The following MARCHF1 variants were observed in gnomAD, a reference collection of about 807,000 sequenced individuals.
MARCHF1 encodes the protein E3 ubiquitin-protein ligase MARCHF1.
In MARCHF1, 40 loss-of-function variants were observed where a neutral mutation model predicts 54.2. That is an observed-to-expected ratio of 0.74 (90% CI 0.57 to 0.96). The LOEUF is 0.96. MARCHF1 is among the 40% of genes least tolerant of loss of function. The pLI is 0.00. For synonymous variants in MARCHF1, 236 were observed against 236.3 expected (o/e 1.00, Z 0.01); for missense variants, 586 against 656.5 (o/e 0.89, Z 1.17).
At chr4:164,101,639 T>G (rs1427104613) in intron 2 of MARCHF1, among the ~76,000 whole-genome samples, 1 of 125,734 alleles carries the variant, frequency 8.0e-6, no homozygotes, top group Admixed American at 8.4e-5. Flanking sequence ...AGACCAAAAG[T>G]AGATAAAACC....
At chr4:163,590,786 T>C (rs1358836162) in intron 7 of MARCHF1, among the ~76,000 whole-genome samples, 1 of 152,084 alleles carries the variant, frequency 6.6e-6, no homozygotes, top group East Asian at 1.9e-4. Flanking sequence ...AGGGCAGTTT[T>C]GAGGTCTTGG....
intron 4 of MARCHF1, among the ~76,000 whole-genome samples, chr4:163,733,633 G>A (rs953011184): frequency 1.3e-5 from 2 of 151,780 alleles, no homozygotes; most frequent in African/African-American, 4.8e-5. Flanking sequence ...AGTCCCCGGA[G>A]TGTGATAGCC....
At chr4:163,664,003 T>C (rs777119620) in intron 5 of MARCHF1, among the ~76,000 whole-genome samples, 20 of 151,246 alleles carry the variant, frequency 1.3e-4, no homozygotes, top group Non-Finnish European at 2.7e-4. Flanking sequence ...CTGTGATACA[T>C]GAATTTGCAT....
chr4:163,836,204 T>C (rs1014545234), intron 4 of MARCHF1, among the ~76,000 whole-genome samples: 1 of 149,986 alleles, frequency 6.7e-6, no homozygotes, highest in African/African-American at 2.5e-5. Flanking sequence ...CTTACCTACA[T>C]GGTAGTTGCA....
At chr4:164,158,638 C>T (rs1250642323) in intron 1 of MARCHF1, among the ~76,000 whole-genome samples, 1 of 152,022 alleles carries the variant, frequency 6.6e-6, no homozygotes. Context: ...GAGACTCCAT[C>T]TCAAAATAAT....
At chr4:163,747,279 T>A (rs1746390455) in intron 4 of MARCHF1, among the ~76,000 whole-genome samples, 1 of 152,166 alleles carries the variant, frequency 6.6e-6, no homozygotes, top group Admixed American at 6.6e-5. Context: ...ACAAAATACC[T>A]CAAGCTGAGA....
At chr4:163,733,215 A>ACACGTG (rs1393745834) in intron 4 of MARCHF1, among the ~76,000 whole-genome samples, 1 of 35,122 alleles carries the variant, frequency 2.8e-5, no homozygotes, top group Non-Finnish European at 8.4e-5. Flanking sequence ...ATATATATAT[A>ACACGTG]TATATACACG....
At chr4:163,565,298 A>C (rs558934234) in intron 8 of MARCHF1, among the ~76,000 whole-genome samples, 20 of 152,314 alleles carry the variant, frequency 1.3e-4, no homozygotes, top group African/African-American at 4.8e-4. Context: ...GATATCTTAT[A>C]AAAAAGTAAC....
chr4:163,751,724 GAC>G (rs1489835377), intron 4 of MARCHF1, among the ~76,000 whole-genome samples: 1 of 152,026 alleles, frequency 6.6e-6, no homozygotes, highest in Non-Finnish European at 1.5e-5. Context: ...CTGACTGAAA[GAC>G]ACAATATTGA....
chr4:163,746,354 C>T (rs1197781636), intron 4 of MARCHF1, among the ~76,000 whole-genome samples: 2 of 152,034 alleles, frequency 1.3e-5, no homozygotes, highest in Non-Finnish European at 2.9e-5. Context: ...TTCTTTTTGG[C>T]GCTGAATAAT....
chr4:164,340,255 G>C (rs1396745165), intron 1 of MARCHF1, among the ~76,000 whole-genome samples: 1 of 142,058 alleles, frequency 7.0e-6, no homozygotes, highest in Admixed American at 7.0e-5. Flanking sequence ...TTTTTTCTTT[G>C]AGACAGGGTC....
chr4:164,351,827 C>A (rs1416396323), intron 1 of MARCHF1, among the ~76,000 whole-genome samples: 2 of 151,150 alleles, frequency 1.3e-5, no homozygotes, highest in Non-Finnish European at 3.0e-5. Flanking sequence ...TACGGGAGGA[C>A]ATTCAAACCA....
chr4:164,201,524 C>T (rs905097316), intron 1 of MARCHF1, among the ~76,000 whole-genome samples: 2 of 152,076 alleles, frequency 1.3e-5, no homozygotes, highest in African/African-American at 4.8e-5. Flanking sequence ...CCGGCCAAGA[C>T]TGATTTTTTA....
intron 2 of MARCHF1, among the ~76,000 whole-genome samples, chr4:164,007,829 A>C (rs1753331123): frequency 6.6e-6 from 1 of 152,164 alleles, no homozygotes; most frequent in Non-Finnish European, 1.5e-5. Flanking sequence ...GGATTCACTA[A>C]AAATAAAAAG....
intron 4 of MARCHF1, among the ~76,000 whole-genome samples, chr4:163,721,666 T>C (rs56666387): frequency 6.6e-6 from 1 of 152,160 alleles, no homozygotes; most frequent in African/African-American, 2.4e-5. Context: ...TCCTGGACTT[T>C]CTTTGTTTGG....
At chr4:163,894,282 C>T (rs1288803581) in intron 3 of MARCHF1, among the ~76,000 whole-genome samples, 1 of 151,980 alleles carries the variant, frequency 6.6e-6, no homozygotes, top group African/African-American at 2.4e-5. Flanking sequence ...GCATTTTGCA[C>T]TTTATATTGC....
chr4:163,679,814 G>A (rs898636484), intron 5 of MARCHF1, among the ~76,000 whole-genome samples: 4 of 151,362 alleles, frequency 2.6e-5, no homozygotes, highest in East Asian at 1.9e-4. Context: ...GGGTTTCACC[G>A]TGGTCTCGAT....
At chr4:163,892,520 C>T (rs1750682470) in intron 3 of MARCHF1, among the ~76,000 whole-genome samples, 1 of 148,876 alleles carries the variant, frequency 6.7e-6, no homozygotes, top group Admixed American at 6.7e-5. Context: ...TACTCTGTCA[C>T]AAAAATACAG....
At chr4:163,770,237 G>A (rs557273466) in intron 4 of MARCHF1, among the ~76,000 whole-genome samples, 1 of 152,166 alleles carries the variant, frequency 6.6e-6, no homozygotes, top group East Asian at 1.9e-4. Flanking sequence ...GACTGCATAG[G>A]GGCGGCTGTG....
Sources: gnomAD v4.1 joint callset for allele counts (sites outside exome capture counted in the v4.1 genomes callset) on GRCh38, gnomAD v4.1.1 for gene constraint, MANE v1.5 for transcripts, NCBI Gene and HGNC (gene_info 2026-07-23, HGNC 2026-07-21) for gene names.